ADORA2B: variants seen among roughly 807,000 people sequenced by gnomAD.
The protein encoded by ADORA2B is adenosine A2b receptor.
Under a neutral mutation model 20.8 loss-of-function variants are expected in ADORA2B, and 18 were observed. The observed-to-expected ratio is 0.87, with a 90% CI of 0.60 to 1.29. ADORA2B has a LOEUF of 1.29. Ranked by LOEUF, ADORA2B falls within the 50% of genes most tolerant of loss-of-function variation. The pLI, the probability that ADORA2B is intolerant of heterozygous loss-of-function variation, is 0.00. For missense variants in ADORA2B, 441 were observed against 422.7 expected (o/e 1.04, Z -0.38); for synonymous variants, 179 against 178.3 (o/e 1.00, Z -0.03).
chr17:15,867,064 G>T, the ADORA2B span, among the ~76,000 whole-genome samples: 1 of 152,270 alleles, frequency 6.6e-6, no homozygotes, highest in Non-Finnish European at 1.5e-5. Flanking sequence ...CGGGATGGCA[G>T]ACGGAGTCGC....
the ADORA2B span, among the ~76,000 whole-genome samples, chr17:15,874,782 G>T: frequency 6.6e-6 from 1 of 151,922 alleles, no homozygotes; most frequent in African/African-American, 2.4e-5. Flanking sequence ...CTAAATTTTT[G>T]TAAAATAAGT....
At chr17:15,903,888 A>C in the ADORA2B span, among the ~76,000 whole-genome samples, 3 of 151,798 alleles carry the variant, frequency 2.0e-5, no homozygotes, top group Admixed American at 1.3e-4. Flanking sequence ...CCCTACTTCA[A>C]ATTACGTAGA....
chr17:15,967,450 C>A (rs559140480), intron 1 of ADORA2B, among the ~76,000 whole-genome samples: 51 of 152,212 alleles, frequency 3.4e-4, no homozygotes, highest in Admixed American at 2.6e-4. Context: ...AGGCTGGTCT[C>A]GAACTCCTAA....
intron 1 of ADORA2B, among the ~76,000 whole-genome samples, chr17:15,960,893 C>T (rs1387273560): frequency 6.9e-6 from 1 of 145,912 alleles, no homozygotes; most frequent in East Asian, 2.1e-4. Flanking sequence ...AAAGTCTGGG[C>T]GCAGTAGCTC....
At chr17:15,867,383 T>G in the ADORA2B span, among the ~76,000 whole-genome samples, 52,457 of 150,084 alleles carry the variant, frequency 0.35, 10,249 homozygotes, top group African/African-American at 0.54. Context: ...TGTGGGGAGC[T>G]CCTCTGCTCT....
intron 1 of ADORA2B, chr17:15,974,033 T>C (rs1278459862): frequency 4.0e-5 from 6 of 150,412 alleles, no homozygotes; most frequent in South Asian, 2.1e-4. Context: ...AGATAATTTA[T>C]GGACAGAAAA....
chr17:15,873,523 A>C, the ADORA2B span, among the ~76,000 whole-genome samples: 1 of 152,188 alleles, frequency 6.6e-6, no homozygotes, highest in Non-Finnish European at 1.5e-5. Flanking sequence ...AGAATCTACA[A>C]GGAACTCAAA....
chr17:15,909,924 C>T, the ADORA2B span, among the ~76,000 whole-genome samples: 4 of 152,198 alleles, frequency 2.6e-5, no homozygotes, highest in Non-Finnish European at 5.9e-5. Flanking sequence ...TCCCCAGAGC[C>T]GCCCCAGTCC....
At chr17:15,868,005 CTT>C in the ADORA2B span, among the ~76,000 whole-genome samples, 1 of 149,726 alleles carries the variant, frequency 6.7e-6, no homozygotes, top group East Asian at 2.0e-4. Context: ...ACATGGGAGA[CTT>C]TTCATTTTGT....
the ADORA2B span, among the ~76,000 whole-genome samples, chr17:15,909,100 G>T: frequency 3.3e-5 from 5 of 151,990 alleles, no homozygotes; most frequent in Admixed American, 6.6e-5. Context: ...GCCAAGGCAG[G>T]ACTGCTTGTA....
chr17:15,878,097 A>G, the ADORA2B span, among the ~76,000 whole-genome samples: 1 of 151,884 alleles, frequency 6.6e-6, no homozygotes, highest in Non-Finnish European at 1.5e-5. Context: ...TGGAGGCCTC[A>G]GAGCGCTTTA....
intron 1 of ADORA2B, among the ~76,000 whole-genome samples, chr17:15,949,876 C>T (rs1969874441): frequency 6.6e-6 from 1 of 152,074 alleles, no homozygotes; most frequent in Non-Finnish European, 1.5e-5. Flanking sequence ...AATAAAAAAG[C>T]TTGGCAGGAA....
chr17:15,872,123 G>C, the ADORA2B span, among the ~76,000 whole-genome samples: 1 of 152,174 alleles, frequency 6.6e-6, no homozygotes, highest in Non-Finnish European at 1.5e-5. Flanking sequence ...GCTGAGGGGA[G>C]AGGGGAATAG....
Position 15,957,899 on chromosome 17 carries a change from T to A in ADORA2B, c.335+12316T>A, listed in dbSNP as rs1171430115. 2.0e-5 allele frequency among the ~76,000 whole-genome samples: 3 copies of A among 152,144 alleles called. No individual in the cohort carries two copies. In the South Asian group the frequency reaches 6.2e-4, roughly 31 times the overall value. ...TCTATGACATCCTGATTTCCACTGCTGATTTTAGCACCACTGCTGAGTGTT... is the reference window on the plus strand; with the variant it reads ...TCTATGACATCCTGATTTCCACTGCAGATTTTAGCACCACTGCTGAGTGTT... On this transcript the variant is annotated intron_variant, in intron 1 of 1. Coordinates refer to ENST00000304222, the MANE Select transcript of ADORA2B (RefSeq NM_000676.4).
At chr17:15,864,443 C>T in the ADORA2B span, among the ~76,000 whole-genome samples, 1 of 151,212 alleles carries the variant, frequency 6.6e-6, no homozygotes, top group African/African-American at 2.4e-5. Flanking sequence ...AAATTCTCAC[C>T]AGGCCAAAAG....
chr17:15,913,061 C>G, the ADORA2B span, among the ~76,000 whole-genome samples: 1 of 152,214 alleles, frequency 6.6e-6, no homozygotes, highest in African/African-American at 2.4e-5. Flanking sequence ...AGGCTCCCAA[C>G]GTGCCCCCTG....
the ADORA2B span, among the ~76,000 whole-genome samples, chr17:15,930,254 A>C: frequency 2.0e-5 from 3 of 146,554 alleles, no homozygotes; most frequent in Middle Eastern, 3.3e-3. Flanking sequence ...GTTTATTTGA[A>C]TGTGAGACAC....
chr17:15,920,425 A>T, the ADORA2B span, among the ~76,000 whole-genome samples: 3 of 152,214 alleles, frequency 2.0e-5, no homozygotes, highest in Non-Finnish European at 2.9e-5. Context: ...GTTTCATATA[A>T]AAGTGACTAC....
the ADORA2B span, among the ~76,000 whole-genome samples, chr17:15,912,881 C>T: frequency 6.6e-6 from 1 of 152,238 alleles, no homozygotes; most frequent in Non-Finnish European, 1.5e-5. Flanking sequence ...CATTTCGAGC[C>T]TGGGCTGTCT....
Sources: allele counts gnomAD v4.1 joint callset (sites outside exome capture counted in the v4.1 genomes callset), GRCh38; gene constraint gnomAD v4.1.1; transcripts MANE v1.5; gene names NCBI Gene and HGNC (gene_info 2026-07-23, HGNC 2026-07-21).